The following STK3 variants were observed in gnomAD, a reference collection of about 807,000 sequenced individuals.
STK3 encodes serine/threonine kinase 3.
Under a neutral mutation model 58.0 loss-of-function variants are expected in STK3, and 41 were observed. That is an observed-to-expected ratio of 0.71 (90% CI 0.55 to 0.92). STK3 has a LOEUF of 0.92. STK3 is among the 40% of genes least tolerant of loss of function. The pLI is 0.00. For synonymous variants in STK3, 170 were observed against 191.0 expected, an observed-to-expected ratio of 0.89 and a Z score of 0.91; for missense variants, 479 against 602.7, an observed-to-expected ratio of 0.79 and a Z score of 2.15.
intron 1 of STK3, among the ~76,000 whole-genome samples, chr8:98,926,449 T>C (rs1473071865): frequency 2.0e-5 from 3 of 152,190 alleles, no homozygotes; most frequent in African/African-American, 7.2e-5. Context: ...ATGCCACTTA[T>C]GGACCCTCAA....
At chr8:98,600,043 T>C (rs939980941) in intron 6 of STK3, among the ~76,000 whole-genome samples, 5 of 152,304 alleles carry the variant, frequency 3.3e-5, no homozygotes, top group Non-Finnish European at 5.9e-5. Context: ...ACAGAAATTT[T>C]GAAGAGAATA....
chr8:98,709,697 T>A (rs1826245493), intron 4 of STK3, among the ~76,000 whole-genome samples: 1 of 152,170 alleles, frequency 6.6e-6, no homozygotes, highest in African/African-American at 2.4e-5. Context: ...AACCACATGA[T>A]CATTTCAAAT....
chr8:98,572,209 C>T (rs529224668), intron 8 of STK3, among the ~76,000 whole-genome samples: 1 of 152,228 alleles, frequency 6.6e-6, no homozygotes, highest in East Asian at 1.9e-4. Flanking sequence ...AGAATGAATA[C>T]TGCTTGTTGT....
intron 10 of STK3, among the ~76,000 whole-genome samples, chr8:98,463,233 C>G (rs1478239825): frequency 6.6e-6 from 1 of 152,050 alleles, no homozygotes; most frequent in Non-Finnish European, 1.5e-5. Flanking sequence ...TAATATGAGT[C>G]AACACTTTGT....
intron 6 of STK3, among the ~76,000 whole-genome samples, chr8:98,696,676 T>C (rs978726627): frequency 1.3e-5 from 2 of 152,254 alleles, no homozygotes; most frequent in African/African-American, 2.4e-5. Context: ...TTTGCATATA[T>C]TGAACCAGTC....
chr8:98,500,553 C>T lies in STK3; in HGVS notation c.1317+26189G>A, dbSNP rs552455513. Among the ~76,000 whole-genome samples, 20 of 152,222 alleles carry T rather than the reference C, an allele frequency of 1.3e-4. No homozygotes were observed. The East Asian group carries it at 1.4e-3, about 10-fold the overall frequency. ...ACAGGCCCCCATGTGTGATGTTCCCCGCCCTGTGTCCAAGTGTTCTCACTG... is the reference window on the plus strand; with the variant it reads ...ACAGGCCCCCATGTGTGATGTTCCCTGCCCTGTGTCCAAGTGTTCTCACTG... On this transcript the variant is annotated intron_variant, in intron 10 of 10. Transcript: ENST00000419617.
At chr8:98,858,897 TAAAA>T (rs762055696) in intron 3 of STK3, among the ~76,000 whole-genome samples, 1 of 80,524 alleles carries the variant, frequency 1.2e-5, no homozygotes, top group African/African-American at 4.8e-5. Context: ...AGACTCCATC[TAAAA>T]AAAAAAAAAA....
intron 1 of STK3, among the ~76,000 whole-genome samples, chr8:98,779,057 A>T (rs1173596056): frequency 6.6e-6 from 1 of 151,944 alleles, no homozygotes; most frequent in Non-Finnish European, 1.5e-5. Context: ...AAAATAAAAT[A>T]AAAAAGCCAT....
intron 6 of STK3, among the ~76,000 whole-genome samples, chr8:98,693,442 A>G (rs1193200745): frequency 6.6e-6 from 1 of 152,176 alleles, no homozygotes; most frequent in Non-Finnish European, 1.5e-5. Flanking sequence ...GGAAAATGCA[A>G]TATGGAGATG....
intron 6 of STK3, among the ~76,000 whole-genome samples, chr8:98,668,254 T>C (rs1822521071): frequency 6.6e-6 from 1 of 152,214 alleles, no homozygotes; most frequent in Non-Finnish European, 1.5e-5. Flanking sequence ...TTTCTCTTTG[T>C]ATTAGTTTTG....
intron 10 of STK3, among the ~76,000 whole-genome samples, chr8:98,495,259 T>C (rs1463108261): frequency 6.6e-6 from 1 of 152,176 alleles, no homozygotes; most frequent in African/African-American, 2.4e-5. Flanking sequence ...ACAGGAGGAA[T>C]ACATTTTACC....
chr8:98,629,046 T>C (rs1168597332), intron 6 of STK3, among the ~76,000 whole-genome samples: 1 of 152,044 alleles, frequency 6.6e-6, no homozygotes, highest in African/African-American at 2.4e-5. Context: ...TTTTTTAGGG[T>C]AACTTGATGG....
intron 6 of STK3, among the ~76,000 whole-genome samples, chr8:98,627,754 A>AAC (rs1223434542): frequency 2.0e-5 from 3 of 152,260 alleles, no homozygotes; most frequent in Non-Finnish European, 2.9e-5. Flanking sequence ...AAAACAAGCT[A>AAC]ACACACACAC....
At chr8:98,519,036 T>C (rs1412410322) in intron 10 of STK3, among the ~76,000 whole-genome samples, 1 of 152,156 alleles carries the variant, frequency 6.6e-6, no homozygotes, top group Non-Finnish European at 1.5e-5. Flanking sequence ...TTAATACTCT[T>C]GCAAACATCT....
chr8:98,346,544 T>C, the STK3 span, among the ~76,000 whole-genome samples: 1 of 151,840 alleles, frequency 6.6e-6, no homozygotes, highest in African/African-American at 2.4e-5. Flanking sequence ...CACATCAGTA[T>C]AAAATGTGTC....
intron 4 of STK3, among the ~76,000 whole-genome samples, chr8:98,736,459 T>C (rs1828604737): frequency 1.3e-5 from 2 of 152,194 alleles, no homozygotes; most frequent in Admixed American, 1.3e-4. Flanking sequence ...TATGAAACTG[T>C]ACAGGAAGAA....
At chr8:98,434,973 C>A (rs1818433975) in intron 2 of STK3, among the ~76,000 whole-genome samples, 1 of 152,186 alleles carries the variant, frequency 6.6e-6, no homozygotes, top group South Asian at 2.1e-4. Flanking sequence ...GCTCCTAGCC[C>A]AGCAAGTCCT....
chr8:98,445,740 T>C (rs1818914306), intron 1 of STK3, among the ~76,000 whole-genome samples: 1 of 152,198 alleles, frequency 6.6e-6, no homozygotes, highest in African/African-American at 2.4e-5. Flanking sequence ...TAAACCTGTC[T>C]CCTCAGAAGC....
At chr8:98,571,867 T>C (rs1812996065) in intron 8 of STK3, among the ~76,000 whole-genome samples, 1 of 152,214 alleles carries the variant, frequency 6.6e-6, no homozygotes, top group African/African-American at 2.4e-5. Flanking sequence ...TTACTTAACA[T>C]TGTGATCCTT....
Sources: allele counts gnomAD v4.1 joint callset (sites outside exome capture counted in the v4.1 genomes callset), GRCh38; gene constraint gnomAD v4.1.1; transcripts MANE v1.5; gene names NCBI Gene and HGNC (gene_info 2026-07-23, HGNC 2026-07-21).